The following SESTD1 variants were observed in gnomAD, a reference collection of about 807,000 sequenced individuals.
SESTD1 encodes SEC14 domain and spectrin repeat-containing protein 1.
Under a neutral mutation model 101.7 loss-of-function variants are expected in SESTD1, and 43 were observed. The ratio of observed to expected loss-of-function variants is 0.42; its 90% CI spans 0.33 to 0.55. SESTD1 has a LOEUF of 0.55. Ranked by LOEUF, SESTD1 falls within the 20% of genes least tolerant of loss-of-function variation. The probability of loss-of-function intolerance (pLI) is 0.07; values close to 1 mark genes in which losing one functional copy is unlikely to be tolerated. For missense variants in SESTD1, 647 were observed against 815.1 expected, an observed-to-expected ratio of 0.79 and a Z score of 2.51; for synonymous variants, 283 against 286.8, an observed-to-expected ratio of 0.99 and a Z score of 0.13.
chr2:179,240,991 T>C (rs755678740), intron 1 of SESTD1, among the ~76,000 whole-genome samples: 2 of 151,960 alleles, frequency 1.3e-5, no homozygotes, highest in Non-Finnish European at 2.9e-5. Flanking sequence ...AAACCCTCAC[T>C]AAGAAAACAG....
At chr2:179,218,699 C>A (rs2046761539) in intron 1 of SESTD1, among the ~76,000 whole-genome samples, 1 of 152,148 alleles carries the variant, frequency 6.6e-6, no homozygotes, top group Non-Finnish European at 1.5e-5. Flanking sequence ...GTATCCATTT[C>A]CTAGTTTAAC....
chr2:179,123,686 A>C, intron 12 of SESTD1, 29 bp downstream of exon 12: 1 of 1,432,378 alleles, frequency 7.0e-7, no homozygotes, highest in South Asian at 1.3e-5. Flanking sequence ...AAAAAACCTT[A>C]TGTTTCAGCA....
intron 1 of SESTD1, among the ~76,000 whole-genome samples, chr2:179,253,022 G>A (rs1005060049): frequency 1.3e-5 from 2 of 152,074 alleles, no homozygotes; most frequent in Non-Finnish European, 2.9e-5. Flanking sequence ...TAAAAGTCTG[G>A]GGAGAAGAGA....
intron 4 of SESTD1, among the ~76,000 whole-genome samples, chr2:179,175,342 A>C (rs2045992908): frequency 6.6e-6 from 1 of 152,204 alleles, no homozygotes; most frequent in Non-Finnish European, 1.5e-5. Context: ...TAAAACGTTA[A>C]AAACCATTCT....
At chr2:179,166,963 T>A (rs569951245) in intron 5 of SESTD1, among the ~76,000 whole-genome samples, 8 of 152,140 alleles carry the variant, frequency 5.3e-5, no homozygotes, top group Non-Finnish European at 1.2e-4. Flanking sequence ...TACCTACACC[T>A]CAGTCTTTAC....
At chr2:179,155,870 G>C (rs887782528) in intron 5 of SESTD1, among the ~76,000 whole-genome samples, 7 of 152,066 alleles carry the variant, frequency 4.6e-5, no homozygotes, top group African/African-American at 1.2e-4. Context: ...CATATTTGTA[G>C]TCTTTTATCC....
intron 5 of SESTD1, among the ~76,000 whole-genome samples, chr2:179,161,701 G>A (rs1397504641): frequency 1.3e-5 from 2 of 151,564 alleles, no homozygotes; most frequent in South Asian, 2.1e-4. Context: ...AAAATACAGC[G>A]GAAAAGCTAT....
chr2:179,120,634 A>G (rs762761637), intron 13 of SESTD1, among the ~76,000 whole-genome samples: 8 of 152,274 alleles, frequency 5.3e-5, no homozygotes, highest in Non-Finnish European at 1.2e-4. Flanking sequence ...AGTCAAGACT[A>G]AAAGTATTCT....
At chr2:179,114,973 A>T in intron 16 of SESTD1, 92 bp downstream of exon 16, 1 of 1,038,342 alleles carries the variant, frequency 9.6e-7, no homozygotes, top group South Asian at 1.6e-5. Flanking sequence ...TGAAAAATAG[A>T]TTAGTCATAT....
chr2:179,253,816 G>A (rs190588117), intron 1 of SESTD1, among the ~76,000 whole-genome samples: 2 of 152,258 alleles, frequency 1.3e-5, no homozygotes, highest in East Asian at 3.9e-4. Context: ...TAAATTTTGA[G>A]GCCAGGCACA....
rs924689330 is a variant in SESTD1, at chr2:179,116,059, A to T, written c.1647+609T>A. Among the ~76,000 whole-genome samples the T allele has an allele frequency of 5.9e-5, 9 of 152,228 alleles. No homozygotes were observed. In the South Asian group the frequency reaches 1.9e-3, roughly 32 times the overall value. On this transcript the variant is annotated intron_variant, in intron 15 of 17. Transcript: ENST00000428443. ...GAGGCCGAGGCGGGTGGATCGCTTG[A>T]GGTCAGGAGTTTAAGACCAGCCTGG...
chr2:179,108,889 T>A lies in SESTD1; in HGVS notation c.*1010A>T, dbSNP rs2044447290. On this transcript the variant is annotated 3_prime_UTR_variant, in exon 18 of 18. Transcript: ENST00000428443. ...AATTTATTTTGCTTTTAGACTATAA[T>A]GAGAAACTAAATTTTATTAACAATT... 1 of 152,120 alleles carries A rather than the reference T, an allele frequency of 6.6e-6. No homozygotes were observed. The highest frequency in any genetic ancestry group is 1.5e-5 in the Non-Finnish European group (1 of 67,988). The allele number at this position is 152,120 out of a possible 1,614,324, so 9.4% of individuals were successfully genotyped here.
rs764104779 is a variant in SESTD1, at chr2:179,151,320, C to A, written c.441G>T (p.Gly147=). Residue 147 remains glycine (G), a synonymous_variant, in exon 6 of 18, where the codon GGG becomes GGT. Coordinates refer to ENST00000428443, the MANE Select transcript of SESTD1 (RefSeq NM_178123.5). ...EPCQLTEDFG[G]SLTYDHMDWL... is the part of the protein sequence containing the mutation. ...AGTCCATGTGATCATAGGTGAGACTCCCACCAAAATCTTCTGTTAATTGGC... is the reference window on the plus strand; with the variant it reads ...AGTCCATGTGATCATAGGTGAGACTACCACCAAAATCTTCTGTTAATTGGC... The A allele has an allele frequency of 1.2e-6, 2 of 1,608,402 alleles. No homozygotes were observed. The highest frequency in any genetic ancestry group is 2.2e-5 in the South Asian group (2 of 89,774).
chr2:179,144,231 G>A (rs1234793656), intron 8 of SESTD1, among the ~76,000 whole-genome samples: 1 of 151,756 alleles, frequency 6.6e-6, no homozygotes, highest in Non-Finnish European at 1.5e-5. Flanking sequence ...ATTTCTGTCT[G>A]ATGGTACTAA....
At chr2:179,172,854 C>G (rs558814566) in intron 4 of SESTD1, among the ~76,000 whole-genome samples, 147 of 152,292 alleles carry the variant, frequency 9.7e-4, no homozygotes, top group South Asian at 5.0e-3. Flanking sequence ...TAGAGTCTAA[C>G]TTTAAAATGC....
intron 1 of SESTD1, among the ~76,000 whole-genome samples, chr2:179,253,145 AAAGT>A (rs2047342561): frequency 6.6e-6 from 1 of 152,210 alleles, no homozygotes; most frequent in Non-Finnish European, 1.5e-5. Context: ...CAGCTGACAA[AAAGT>A]AAGGTTCAAC....
At chr2:179,169,817 A>C (rs2045899652) in intron 5 of SESTD1, among the ~76,000 whole-genome samples, 1 of 152,012 alleles carries the variant, frequency 6.6e-6, no homozygotes, top group Non-Finnish European at 1.5e-5. Context: ...TCTACTAAAA[A>C]TGCAAAATTA....
chr2:179,236,950 G>C (rs895347235), intron 1 of SESTD1, among the ~76,000 whole-genome samples: 1 of 151,714 alleles, frequency 6.6e-6, no homozygotes, highest in African/African-American at 2.4e-5. Flanking sequence ...CGTTTTAAAA[G>C]CAGTAATTAC....
chr2:179,115,087 G>T lies in SESTD1; in HGVS notation c.1817C>A (p.Ala606Glu), dbSNP rs773622808. 16 of 1,610,624 alleles carry T rather than the reference G, an allele frequency of 9.9e-6. No individual in the cohort carries two copies. The South Asian group carries it at 1.8e-4, about 18-fold the overall frequency. The change falls in exon 16 of 18, where the codon GCA (alanine) becomes GAA (glutamate). Residue 606 changes from alanine (A) to glutamate (E), a missense_variant. Physicochemically the swap from Ala to Glu is moderately radical, Grantham distance 107 (BLOSUM62 -1). Around this residue, in one of 3 missense-constraint regions of SESTD1, gnomAD observed 476 missense variants for 562.6 expected, o/e 0.85. Transcript: ENST00000428443. The stretch of plus-strand genomic sequence containing the variant: ...AACCTTTTCAGCATTTGAGTGAAAT[G>T]CAATAGCCATTTCCAATCTATGTAC... ...ERVHRLEMAI[A>E]FHSNAEKILQ...
Sources: allele counts gnomAD v4.1 joint callset (sites outside exome capture counted in the v4.1 genomes callset), GRCh38; gene constraint gnomAD v4.1.1; regional missense constraint gnomAD v4.1.1; transcripts MANE v1.5; gene names NCBI Gene and HGNC (gene_info 2026-07-23, HGNC 2026-07-21).